The following CYRIB variants were observed in gnomAD, a reference collection of about 807,000 sequenced individuals.
The protein encoded by CYRIB is CYFIP-related Rac1 interactor B.
In CYRIB, 8 loss-of-function variants were observed where a neutral mutation model predicts 44.2. The observed-to-expected ratio is 0.18, with a 90% CI of 0.11 to 0.33. The LOEUF (loss-of-function observed/expected upper bound fraction) is 0.33, where lower values mean the gene tolerates loss of function less well. Among genes scored for constraint, CYRIB ranks in the 10% least tolerant of loss-of-function variants. The probability of loss-of-function intolerance (pLI) is 1.00; values close to 1 mark genes in which losing one functional copy is unlikely to be tolerated. For synonymous variants in CYRIB, 131 were observed against 127.2 expected, an observed-to-expected ratio of 1.03 and a Z score of -0.20; for missense variants, 185 against 382.8, an observed-to-expected ratio of 0.48 and a Z score of 4.31.
intron 1 of CYRIB, among the ~76,000 whole-genome samples, chr8:129,992,370 G>A (rs1168699747): frequency 1.3e-5 from 2 of 152,260 alleles, no homozygotes; most frequent in East Asian, 1.9e-4. Context: ...TGGAAGTGGG[G>A]AAAATGTCCC....
intron 2 of CYRIB, among the ~76,000 whole-genome samples, chr8:129,955,375 A>G (rs2094755400): frequency 6.6e-6 from 1 of 152,148 alleles, no homozygotes; most frequent in Non-Finnish European, 1.5e-5. Context: ...TCACAACACT[A>G]AGCTGCTTAC....
intron 2 of CYRIB, among the ~76,000 whole-genome samples, chr8:129,958,285 A>G (rs2094997825): frequency 6.6e-6 from 1 of 152,200 alleles, no homozygotes; most frequent in Non-Finnish European, 1.5e-5. Flanking sequence ...GTGTACACAC[A>G]CACTGGGGGC....
chr8:130,007,376 T>C (rs908354406), intron 1 of CYRIB, among the ~76,000 whole-genome samples: 2 of 152,256 alleles, frequency 1.3e-5, no homozygotes, highest in African/African-American at 4.8e-5. Flanking sequence ...TATGTTTGAA[T>C]TCCAGCTCTG....
intron 1 of CYRIB, among the ~76,000 whole-genome samples, chr8:130,005,085 A>AT (rs1457626489): frequency 3.3e-5 from 5 of 151,546 alleles, no homozygotes; most frequent in African/African-American, 1.2e-4. Flanking sequence ...TTTATTTTTT[A>AT]TTTTTTGCCT....
At chr8:129,964,082 T>C (rs1368260032) in intron 2 of CYRIB, among the ~76,000 whole-genome samples, 1 of 152,176 alleles carries the variant, frequency 6.6e-6, no homozygotes, top group Non-Finnish European at 1.5e-5. Flanking sequence ...ATGTGGCTGA[T>C]TGCAGAAAAC....
intron 1 of CYRIB, among the ~76,000 whole-genome samples, chr8:130,014,419 C>T (rs1289739897): frequency 5.3e-5 from 8 of 152,142 alleles, no homozygotes. Flanking sequence ...CTCAGCAATG[C>T]GTGAGACCCT....
At chr8:129,986,613 G>C (rs187563948) in intron 1 of CYRIB, among the ~76,000 whole-genome samples, 2 of 152,132 alleles carry the variant, frequency 1.3e-5, no homozygotes, top group Admixed American at 1.3e-4. Flanking sequence ...GAGCTAGCAC[G>C]AGCTCTCTCA....
intron 4 of CYRIB, among the ~76,000 whole-genome samples, 171 bp from the exon 7 acceptor site, chr8:129,862,505 C>T (rs2050364526): frequency 6.6e-6 from 1 of 151,978 alleles, no homozygotes; most frequent in South Asian, 2.1e-4. Context: ...GCGTCTCACT[C>T]TGTTGCCCAG....
chr8:129,846,765 A>G, intron 11 of CYRIB, 39 bp downstream of exon 13: 1 of 1,415,414 alleles, frequency 7.1e-7, no homozygotes, highest in Non-Finnish European at 9.7e-7. Context: ...TTTTCCTTAC[A>G]GATTTTTTCT....
chr8:129,849,569 G>A, intron 9 of CYRIB, 200 bp from the exon 12 acceptor site: 1 of 451,702 alleles, frequency 2.2e-6, no homozygotes, highest in Non-Finnish European at 3.8e-6. Flanking sequence ...CCCCTGAAAG[G>A]GATATAAAAT....
At chr8:130,010,896 A>G (rs556468087) in intron 1 of CYRIB, among the ~76,000 whole-genome samples, 1 of 152,218 alleles carries the variant, frequency 6.6e-6, no homozygotes, top group East Asian at 1.9e-4. Flanking sequence ...AAAGTGTTCA[A>G]AATGCAGCAT....
At chr8:129,919,961 C>T (rs1159671861) in intron 1 of CYRIB, among the ~76,000 whole-genome samples, 1 of 152,070 alleles carries the variant, frequency 6.6e-6, no homozygotes, top group Non-Finnish European at 1.5e-5. Flanking sequence ...TAATTTCTAT[C>T]CCGTTTGCTA....
intron 2 of CYRIB, chr8:129,880,345 G>A (rs1342982837): frequency 2.1e-6 from 2 of 968,356 alleles, no homozygotes; most frequent in Non-Finnish European, 2.5e-6. Flanking sequence ...TTACCATTAT[G>A]CACCAGCTGT....
chr8:129,969,685 T>C (rs2095617876), intron 2 of CYRIB, among the ~76,000 whole-genome samples: 1 of 152,208 alleles, frequency 6.6e-6, no homozygotes, highest in African/African-American at 2.4e-5. Flanking sequence ...TTTGGTTTCT[T>C]AGGGTTGGGC....
chr8:129,891,547 T>C (rs572470751), intron 2 of CYRIB, among the ~76,000 whole-genome samples: 5 of 152,314 alleles, frequency 3.3e-5, no homozygotes, highest in South Asian at 2.1e-4. Context: ...AATATCAACA[T>C]AGTAGTACTA....
chr8:129,854,665 A>G (rs2045212103), intron 6 of CYRIB, among the ~76,000 whole-genome samples: 1 of 152,368 alleles, frequency 6.6e-6, no homozygotes, highest in Non-Finnish European at 1.5e-5. Context: ...CGATAAAAGT[A>G]TGTAGGTATG....
At chr8:129,912,971 C>CTT (rs34861646) in intron 1 of CYRIB, among the ~76,000 whole-genome samples, 1,372 of 124,062 alleles carry the variant, frequency 0.011, 46 homozygotes, top group South Asian at 0.035. Flanking sequence ...ATCTGCTTCA[C>CTT]TTTTTTTTTT....
chr8:129,978,922 G>A (rs1373932391), intron 1 of CYRIB, among the ~76,000 whole-genome samples: 1 of 152,136 alleles, frequency 6.6e-6, no homozygotes, highest in East Asian at 1.9e-4. Context: ...GATCACTTGA[G>A]GCCAGGAATT....
rs112757216 is a variant in CYRIB at position 129,960,576 on chromosome 8, G to A, written c.-243+10367C>T. On this transcript the variant is annotated intron_variant, in intron 2 of 14. Coordinates refer to the CYRIB transcript ENST00000401979. ...CAAGATCGATCGCTTAAACCTGGGA[G>A]GCAGAGGTTGCAGTGAGCCAAGATC... Among the ~76,000 whole-genome samples the A allele has an allele frequency of 3.2e-3, 483 of 151,186 alleles. 1 individual carries two copies. Among genetic ancestry groups the A allele is most frequent in the Non-Finnish European group, 4.8e-3 (329 of 67,840 alleles).
Sources: gnomAD v4.1 joint callset for allele counts (sites outside exome capture counted in the v4.1 genomes callset) on GRCh38, gnomAD v4.1.1 for gene constraint, MANE v1.5 for transcripts, NCBI Gene and HGNC (gene_info 2026-07-23, HGNC 2026-07-21) for gene names.